The following IRF2 variants were observed in gnomAD, a reference collection of about 807,000 sequenced individuals.
IRF2 encodes the protein interferon regulatory factor 2.
IRF2 carries 15 observed loss-of-function variants against 40.6 expected under a neutral mutation model. The observed-to-expected ratio is 0.37, with a 90% CI of 0.25 to 0.57. The LOEUF is 0.57. Ranked by LOEUF, IRF2 falls within the 20% of genes least tolerant of loss-of-function variation. The probability of loss-of-function intolerance (pLI) is 0.77; values close to 1 mark genes in which losing one functional copy is unlikely to be tolerated. For missense variants in IRF2, 317 were observed against 455.7 expected (o/e 0.70, Z 2.77); for synonymous variants, 151 against 165.5 (o/e 0.91, Z 0.67).
chr4:184,398,795 G>C (rs558007709), intron 7 of IRF2, 120 bp downstream of exon 7: 242 of 797,486 alleles, frequency 3.0e-4, no homozygotes, highest in Non-Finnish European at 4.2e-4. Context: ...AAAAACTCCA[G>C]GGAGAATAAC....
chr4:184,402,171 G>A (rs1229582208), intron 6 of IRF2, among the ~76,000 whole-genome samples: 1 of 152,206 alleles, frequency 6.6e-6, no homozygotes, highest in African/African-American at 2.4e-5. Flanking sequence ...GTTTAAGGCC[G>A]TGAGCACTGA....
At chr4:184,467,276 A>G (rs1202526339) in intron 1 of IRF2, among the ~76,000 whole-genome samples, 1 of 152,202 alleles carries the variant, frequency 6.6e-6, no homozygotes, top group Non-Finnish European at 1.5e-5. Flanking sequence ...ATTTATGCAA[A>G]GACAGAAAAT....
chr4:184,455,115 A>G (rs1206288333), intron 1 of IRF2, among the ~76,000 whole-genome samples: 1 of 152,020 alleles, frequency 6.6e-6, no homozygotes, highest in African/African-American at 2.4e-5. Flanking sequence ...CACAACGCCC[A>G]TTGAATAAAA....
intron 2 of IRF2, among the ~76,000 whole-genome samples, chr4:184,422,604 G>A (rs972230187): frequency 4.6e-5 from 7 of 152,200 alleles, no homozygotes; most frequent in African/African-American, 1.7e-4. Flanking sequence ...GCCACAAAAA[G>A]GAATAGAGTA....
At chr4:184,414,325 T>C (rs1397869924) in intron 5 of IRF2, among the ~76,000 whole-genome samples, 4 of 152,216 alleles carry the variant, frequency 2.6e-5, no homozygotes, top group African/African-American at 9.6e-5. Flanking sequence ...GAATCCAGGA[T>C]TTCTCATTAT....
intron 7 of IRF2, among the ~76,000 whole-genome samples, chr4:184,397,712 T>C (rs902812486): frequency 6.6e-6 from 1 of 152,242 alleles, no homozygotes; most frequent in African/African-American, 2.4e-5. Flanking sequence ...GAAGAATCCC[T>C]GAACTATTTG....
chr4:184,389,118 C>A, intron 8 of IRF2, 52 bp from the exon 9 acceptor site: 1 of 1,576,516 alleles, frequency 6.3e-7, no homozygotes. Context: ...TATTGGATGG[C>A]TTTTTAAAAA....
intron 2 of IRF2, among the ~76,000 whole-genome samples, chr4:184,422,014 C>T (rs1737501481): frequency 6.6e-6 from 1 of 152,128 alleles, no homozygotes; most frequent in Non-Finnish European, 1.5e-5. Context: ...AGCTCTCACT[C>T]CATTAGCTCC....
intron 5 of IRF2, among the ~76,000 whole-genome samples, chr4:184,416,485 G>C (rs1737281695): frequency 1.3e-5 from 2 of 151,934 alleles, no homozygotes; most frequent in Admixed American, 6.6e-5. Context: ...ATCACATGTG[G>C]ATTTTATATG....
At chr4:184,458,077 T>C (rs1739009601) in intron 1 of IRF2, among the ~76,000 whole-genome samples, 1 of 152,156 alleles carries the variant, frequency 6.6e-6, no homozygotes, top group Admixed American at 6.5e-5. Flanking sequence ...CAACCAAAAA[T>C]GCCCTGCTCA....
intron 6 of IRF2, among the ~76,000 whole-genome samples, chr4:184,405,624 GAGA>G (rs1244320290): frequency 2.0e-5 from 3 of 152,192 alleles, no homozygotes; most frequent in South Asian, 2.1e-4. Flanking sequence ...TTTATTTTGT[GAGA>G]AGAAGAAATG....
chr4:184,398,668 A>AG (rs1202547479), intron 7 of IRF2, among the ~76,000 whole-genome samples: 2 of 143,296 alleles, frequency 1.4e-5, no homozygotes, highest in African/African-American at 5.1e-5. Context: ...AAAAAAAAAA[A>AG]ATAAATAAAT....
chr4:184,419,395 C>T, intron 3 of IRF2, 74 bp downstream of exon 3: 1 of 1,002,688 alleles, frequency 1.0e-6, no homozygotes, highest in Non-Finnish European at 1.6e-6. Flanking sequence ...ATAAGCCAGG[C>T]TATTTTATGT....
At chr4:184,423,340 G>A (rs977809340) in intron 2 of IRF2, among the ~76,000 whole-genome samples, 6 of 152,186 alleles carry the variant, frequency 3.9e-5, no homozygotes, top group African/African-American at 7.2e-5. Context: ...AGAGATGAGC[G>A]CTGCTTGACT....
At chr4:184,452,641 C>A (rs1405060537) in intron 1 of IRF2, among the ~76,000 whole-genome samples, 1 of 151,696 alleles carries the variant, frequency 6.6e-6, no homozygotes, top group African/African-American at 2.4e-5. Context: ...TGCGGTGGCT[C>A]ACACCTGTAA....
chr4:184,412,906 C>T (rs1201398269), intron 5 of IRF2, among the ~76,000 whole-genome samples: 1 of 152,224 alleles, frequency 6.6e-6, no homozygotes, highest in Non-Finnish European at 1.5e-5. Flanking sequence ...CACACATCTG[C>T]CCGTTGGGCA....
rs192533101 is a variant in IRF2, at chr4:184,423,968, T to G, written c.88-4400A>C. 9.8e-5 allele frequency among the ~76,000 whole-genome samples: 15 copies of G among 152,300 alleles called. No homozygotes were observed. The East Asian group carries it at 2.9e-3, about 29-fold the overall frequency. On this transcript the variant is annotated intron_variant, in intron 2 of 8. Transcript: ENST00000393593. ...TTAAACAGTACTAATTTTGTCCAATTAACAATGGTATATTGTGGATATATA... is the reference window on the plus strand; with the variant it reads ...TTAAACAGTACTAATTTTGTCCAATGAACAATGGTATATTGTGGATATATA...
chr4:184,412,058 G>A (rs894780892), intron 5 of IRF2, among the ~76,000 whole-genome samples: 2 of 148,612 alleles, frequency 1.3e-5, no homozygotes, highest in East Asian at 2.0e-4. Context: ...ACTTCTCCAC[G>A]GTGCATGAAC....
Position 184,408,780 on chromosome 4 carries a change from A to G in IRF2, c.412-505T>C, listed in dbSNP as rs1047645109. Among the ~76,000 whole-genome samples the G allele has an allele frequency of 5.5e-4, 84 of 152,204 alleles. No individual in the cohort carries two copies. The highest frequency in any genetic ancestry group is 1.9e-3 in the African/African-American group (80 of 41,450). On this transcript the variant is annotated intron_variant, in intron 5 of 8. Transcript: ENST00000393593. This position sits in a 1 kb window ranked among gnomAD's most constrained non-coding sequence, Gnocchi z 4.9. ...ATTGTAGATGAATTCTCTGCAGATA[A>G]GTTTTGCCATGGCCTCTGGCCACCT...
Sources: gnomAD v4.1 joint callset for allele counts (sites outside exome capture counted in the v4.1 genomes callset) on GRCh38, gnomAD v4.1.1 for gene constraint, Gnocchi (gnomAD v3.1) non-coding constraint, MANE v1.5 for transcripts, NCBI Gene and HGNC (gene_info 2026-07-23, HGNC 2026-07-21) for gene names.